ERAP2: variants seen among roughly 807,000 people sequenced by gnomAD.
The protein encoded by ERAP2 is endoplasmic reticulum aminopeptidase 2, also known as leukocyte-derived arginine aminopeptidase.
In ERAP2, 118 loss-of-function variants were observed where a neutral mutation model predicts 111.1. The ratio of observed to expected loss-of-function variants is 1.06; its 90% CI spans 0.92 to 1.24. The LOEUF is 1.24. Ranked by LOEUF, ERAP2 falls within the 50% of genes most tolerant of loss-of-function variation. The pLI, the probability that ERAP2 is intolerant of heterozygous loss-of-function variation, is 0.00. For synonymous variants in ERAP2, 410 were observed against 401.2 expected (o/e 1.02, Z -0.26); for missense variants, 1,131 against 1,125.8 (o/e 1.00, Z -0.07).
intron 3 of ERAP2, among the ~76,000 whole-genome samples, chr5:96,885,844 A>G (rs1174465475): frequency 2.0e-5 from 3 of 152,230 alleles, no homozygotes; most frequent in African/African-American, 7.2e-5. Context: ...CCAAATGAAG[A>G]TAGAATTCAG....
chr5:96,911,572 C>T lies in ERAP2; in HGVS notation c.2355-1065C>T, dbSNP rs115276809. ...TCTAGGCCTAGAGAGTCAGATGACTCCCAGACAGGCCTCAGAAAATGCTCT... is the reference window on the plus strand; with the variant it reads ...TCTAGGCCTAGAGAGTCAGATGACTTCCAGACAGGCCTCAGAAAATGCTCT... On this transcript the variant is annotated intron_variant, in intron 15 of 18. Coordinates refer to ENST00000437043, the MANE Select transcript of ERAP2 (RefSeq NM_022350.5). Among the ~76,000 whole-genome samples the T allele has an allele frequency of 5.2e-3, 786 of 152,084 alleles. 3 individuals carry two copies. The highest frequency in any genetic ancestry group is 8.4e-3 in the Non-Finnish European group (568 of 67,978).
In ERAP2 at chr5:96,918,661, T is replaced by C. The variant is rs998621310; in HGVS notation, c.*1056T>C. On this transcript the variant is annotated 3_prime_UTR_variant, in exon 19 of 19. Transcript: ENST00000437043. ...TTACATTCATGAAGTACCTCAAGGG[T>C]AGATTTTTGAGATCATTCCAAATGA... is the stretch of plus-strand genomic sequence containing the variant. 2 of 152,326 alleles carry C rather than the reference T, an allele frequency of 1.3e-5. No individual in the cohort carries two copies. The highest frequency in any genetic ancestry group is 4.8e-5 in the African/African-American group (2 of 41,572). 9.4% of individuals were successfully genotyped at this position (152,326 alleles called of 1,614,324 possible).
chr5:96,898,995 T>G (rs550592039), intron 9 of ERAP2, among the ~76,000 whole-genome samples: 15 of 152,288 alleles, frequency 9.8e-5, no homozygotes, highest in Middle Eastern at 3.4e-3. Flanking sequence ...TCATTTGGTG[T>G]GCATACTGGC....
chr5:96,903,433 G>T lies in ERAP2; in HGVS notation c.1885G>T (p.Gly629Cys), dbSNP rs754548079. The change falls in exon 13 of 19, where the codon GGT becomes TGT. Residue 629 changes from glycine to cysteine, a missense_variant. Around this residue, in one of 3 missense-constraint regions of ERAP2, gnomAD observed 847 missense variants for 856.5 expected, o/e 0.99. Transcript: ENST00000437043. ...SWVKFNVDSN[G>C]YYIVHYEGHG... ...GGTGAAATTTAATGTGGACTCAAATGGTTACTACATCGTTCACTATGAGGG... is the reference window on the plus strand; with the variant it reads ...GGTGAAATTTAATGTGGACTCAAATTGTTACTACATCGTTCACTATGAGGG... The T allele has an allele frequency of 2.5e-6, 4 of 1,613,872 alleles. No homozygotes were observed. The Admixed American group carries it at 5.0e-5, about 20-fold the overall frequency.
chr5:96,902,203 C>T, intron 11 of ERAP2, 71 bp from the exon 12 acceptor site: 6 of 1,065,318 alleles, frequency 5.6e-6, no homozygotes, highest in Non-Finnish European at 8.8e-6. Context: ...TACAGTCTGT[C>T]TGAGTCTGAC....
At chr5:96,883,465 C>A (rs977528557) in intron 2 of ERAP2, among the ~76,000 whole-genome samples, 1 of 152,140 alleles carries the variant, frequency 6.6e-6, no homozygotes, top group Non-Finnish European at 1.5e-5. Flanking sequence ...ATGTAGACAA[C>A]ATGTGTACTA....
intron 4 of ERAP2, among the ~76,000 whole-genome samples, chr5:96,886,998 T>A (rs1370301096): frequency 6.6e-6 from 1 of 151,528 alleles, no homozygotes; most frequent in East Asian, 1.9e-4. Flanking sequence ...AAATATTTTC[T>A]ATATGTATGT....
intron 12 of ERAP2, 148 bp downstream of exon 12, chr5:96,902,501 ACT>A (rs1785585526): frequency 3.7e-6 from 2 of 543,244 alleles, no homozygotes; most frequent in Non-Finnish European, 6.5e-6. Context: ...TACTAAAATA[ACT>A]CTTTTAGTAA....
Position 96,883,803 on chromosome 5 carries a change from T to C in ERAP2, c.587T>C (p.Val196Ala). The C allele has an allele frequency of 6.2e-7, 1 of 1,610,644 alleles. No homozygotes were observed. The highest frequency in any genetic ancestry group is 8.5e-7 in the Non-Finnish European group (1 of 1,179,046). The change falls in exon 3 of 19, where the codon GTA (valine) becomes GCA (alanine). Residue 196 changes from valine (V) to alanine (A), a missense_variant. This residue lies in a region of ERAP2 where 847 missense variants were observed against 856.5 expected (regional missense o/e 0.99). Coordinates refer to ENST00000437043, the MANE Select transcript of ERAP2 (RefSeq NM_022350.5). ...GGGTCTTTTCACAGAATTCTTGCAG[T>C]AACAGATTTTGAGCCAACCCAGGCA... ...TLGGETRILA[V>A]TDFEPTQARM...
At chr5:96,885,641 C>T (rs1024078590) in intron 3 of ERAP2, among the ~76,000 whole-genome samples, 4 of 152,226 alleles carry the variant, frequency 2.6e-5, no homozygotes, top group Non-Finnish European at 5.9e-5. Context: ...GTCAAACATG[C>T]TTAATAAGCT....
At position 96,902,263 on chromosome 5, in the gene ERAP2, C is replaced by T. The variant is rs1785552801; in HGVS notation, c.1749-11C>T. ...CTTTTGGTCTGTAACTATCTTTACT[C>T]TCTGTCATAGGTACCTGTGGCATAT... On this transcript the variant is annotated splice_polypyrimidine_tract_variant and intron_variant, in intron 11 of 18. Transcript: ENST00000437043. 8 of 1,572,610 alleles carry T rather than the reference C, an allele frequency of 5.1e-6. No homozygotes were observed. The highest frequency in any genetic ancestry group is 7.0e-6 in the Non-Finnish European group (8 of 1,142,316).
chr5:96,909,461 C>G (rs1294822422), intron 14 of ERAP2, 119 bp from the exon 15 acceptor site: 5 of 777,670 alleles, frequency 6.4e-6, no homozygotes, highest in Non-Finnish European at 1.1e-5. Flanking sequence ...CGAAGATACA[C>G]TGTTTGGGGA....
intron 9 of ERAP2, among the ~76,000 whole-genome samples, chr5:96,898,892 C>T (rs560628321): frequency 3.0e-4 from 45 of 152,330 alleles, no homozygotes; most frequent in Middle Eastern, 3.4e-3. Context: ...TGTCTCTCAT[C>T]CCTCTCCATT....
At chr5:96,901,484 T>C (rs1785456607) in intron 10 of ERAP2, 22 bp from the exon 11 acceptor site, 2 of 1,611,280 alleles carry the variant, frequency 1.2e-6, no homozygotes, top group African/African-American at 2.7e-5. Flanking sequence ...TCTTGAGTTA[T>C]CATAGTCACC....
At chr5:96,890,533 A>AC (rs2151143786) in intron 5 of ERAP2, among the ~76,000 whole-genome samples, 1 of 152,340 alleles carries the variant, frequency 6.6e-6, no homozygotes, top group Non-Finnish European at 1.5e-5. Flanking sequence ...AAAACTGAAG[A>AC]AAGTTTCATA....
intron 5 of ERAP2, among the ~76,000 whole-genome samples, chr5:96,889,695 T>C (rs537468602): frequency 6.0e-4 from 91 of 152,164 alleles, no homozygotes; most frequent in Admixed American, 2.6e-3. Context: ...CAAGATGCTG[T>C]GGCTCCCTGT....
rs199510383 is a variant in ERAP2 at position 96,883,890 on chromosome 5, G to A, written c.674G>A (p.Arg225Gln). The A allele has an allele frequency of 2.6e-5, 42 of 1,613,616 alleles. No individual in the cohort carries two copies. In the East Asian group the frequency reaches 5.6e-4, roughly 21 times the overall value. Residue 225 changes from arginine to glutamine, a missense_variant, in exon 3 of 19, where the codon CGA becomes CAA. By Grantham distance (43) the Arg-to-Gln change is conservative. Coordinates refer to ENST00000437043, the MANE Select transcript of ERAP2 (RefSeq NM_022350.5). The part of the protein sequence containing the change: ...LFKANFSIKI[R>Q]RESRHIALSN... ...AAAGCCAACTTTTCAATCAAGATAC[G>A]AAGAGAGAGCAGGCATATTGCACTA...
chr5:96,883,908 T>C lies in ERAP2; in HGVS notation c.692T>C (p.Ile231Thr), dbSNP rs1362514236. 6.2e-7 allele frequency: 1 copy of C among 1,612,238 alleles called. No individual in the cohort carries two copies. The highest frequency in any genetic ancestry group is 1.7e-5 in the Admixed American group (1 of 59,676). The change falls in exon 3 of 19, where the codon ATT becomes ACT. Residue 231 changes from isoleucine (I) to threonine (T), a missense_variant. Ile to Thr is a moderately conservative substitution (Grantham distance 89). This residue lies in a region of ERAP2 where 847 missense variants were observed against 856.5 expected (regional missense o/e 0.99). Coordinates refer to ENST00000437043, the MANE Select transcript of ERAP2 (RefSeq NM_022350.5). ...AAGATACGAAGAGAGAGCAGGCATA[T>C]TGCACTATCCAACATGCCAAAGGTA... ...SIKIRRESRH[I>T]ALSNMPKVKT...
intron 2 of ERAP2, among the ~76,000 whole-genome samples, chr5:96,882,897 C>A (rs3849747): frequency 6.6e-6 from 1 of 152,198 alleles, no homozygotes; most frequent in Non-Finnish European, 1.5e-5. Flanking sequence ...TCTATTCCCC[C>A]CTCCTTTTCC....
Sources: gnomAD v4.1 joint callset for allele counts (sites outside exome capture counted in the v4.1 genomes callset) on GRCh38, gnomAD v4.1.1 for gene constraint, gnomAD v4.1.1 regional missense constraint, MANE v1.5 for transcripts, NCBI Gene and HGNC (gene_info 2026-07-23, HGNC 2026-07-21) for gene names.